Variants in BNC2 observed in about 807,000 individuals in gnomAD.
BNC2 encodes the protein basonuclin zinc finger protein 2.
A neutral mutation model predicts 76.3 loss-of-function variants in BNC2; 20 were observed. The observed-to-expected ratio is 0.26, with a 90% CI of 0.18 to 0.38. The LOEUF (loss-of-function observed/expected upper bound fraction) is 0.38. Among genes scored for constraint, BNC2 ranks in the 10% least tolerant of loss-of-function variants. The pLI, the probability that BNC2 is intolerant of heterozygous loss-of-function variation, is 1.00. For synonymous variants in BNC2, 582 were observed against 514.8 expected (o/e 1.13, Z -1.77); for missense variants, 1,382 against 1,399.8 (o/e 0.99, Z 0.20).
At chr9:16,423,093 A>G (rs892707614) in intron 6 of BNC2, among the ~76,000 whole-genome samples, 6 of 152,242 alleles carry the variant, frequency 3.9e-5, no homozygotes, top group Non-Finnish European at 8.8e-5. Context: ...CTGGCAGAGG[A>G]AGCCCTACTC....
intron 3 of BNC2, among the ~76,000 whole-genome samples, chr9:16,604,225 TTC>T (rs1247344805): frequency 1.3e-5 from 2 of 151,726 alleles, no homozygotes; most frequent in East Asian, 1.9e-4. Context: ...TAGAACCTCT[TTC>T]TCTCTCTCTC....
chr9:16,769,755 T>C (rs2095170648), intron 1 of BNC2, among the ~76,000 whole-genome samples: 1 of 152,328 alleles, frequency 6.6e-6, no homozygotes, highest in African/African-American at 2.4e-5. Context: ...GCAGAATGCC[T>C]GGCACACAAT....
chr9:16,864,629 G>A (rs994752060), intron 1 of BNC2, among the ~76,000 whole-genome samples: 1 of 152,118 alleles, frequency 6.6e-6, no homozygotes, highest in South Asian at 2.1e-4. Flanking sequence ...TATCCCCCAT[G>A]TTGTGCATTT....
intron 1 of BNC2, 26 bp downstream of exon 1, chr9:16,870,620 G>C (rs755236168): frequency 3.3e-5 from 53 of 1,610,238 alleles, no homozygotes; most frequent in Non-Finnish European, 4.3e-5. Flanking sequence ...TAGAATAAAA[G>C]AGGAAGGAGG....
chr9:16,774,933 C>T (rs1825923675), intron 1 of BNC2, among the ~76,000 whole-genome samples: 1 of 152,128 alleles, frequency 6.6e-6, no homozygotes, highest in Non-Finnish European at 1.5e-5. Context: ...TTTGTTTTTG[C>T]TTTTACTAAA....
In BNC2 at chr9:16,418,308, T is replaced by A. The variant is rs932372492; in HGVS notation, c.*681A>T. On this transcript the variant is annotated 3_prime_UTR_variant, in exon 7 of 7. Coordinates refer to ENST00000380672, the MANE Select transcript of BNC2 (RefSeq NM_017637.6). The stretch of plus-strand genomic sequence containing the variant: ...CCATGTTTTTTTCTTTTTTTAAAAA[T>A]GTGCATTAATGCTAACATAAATGAA... 16 of 152,656 alleles carry A rather than the reference T, an allele frequency of 1.0e-4. 1 individual carries two copies. The highest frequency in any genetic ancestry group is 3.9e-4 in the African/African-American group (16 of 41,450). The allele number at this position is 152,656 out of a possible 1,614,324, so 9.5% of individuals were successfully genotyped here.
At chr9:16,602,630 A>G (rs548108970) in intron 3 of BNC2, among the ~76,000 whole-genome samples, 1 of 152,206 alleles carries the variant, frequency 6.6e-6, no homozygotes, top group Non-Finnish European at 1.5e-5. Context: ...AGCAATGCCA[A>G]TTAGTGTCAG....
chr9:16,690,846 G>A (rs1244672779), intron 3 of BNC2, among the ~76,000 whole-genome samples: 1 of 152,172 alleles, frequency 6.6e-6, no homozygotes, highest in African/African-American at 2.4e-5. Flanking sequence ...GGTGACGGAG[G>A]TGGGGGGATG....
chr9:16,621,566 T>C (rs1160898254), intron 3 of BNC2, among the ~76,000 whole-genome samples: 2 of 152,216 alleles, frequency 1.3e-5, no homozygotes, highest in East Asian at 1.9e-4. Context: ...TTTTCACTTG[T>C]ATATCAAAGA....
intron 3 of BNC2, among the ~76,000 whole-genome samples, chr9:16,678,554 G>A (rs948108629): frequency 3.3e-5 from 5 of 151,406 alleles, no homozygotes; most frequent in Admixed American, 6.6e-5. Flanking sequence ...GTGAGCCACC[G>A]CGCCTGGCCA....
At chr9:16,606,328 G>C (rs927967540) in intron 3 of BNC2, among the ~76,000 whole-genome samples, 1 of 152,072 alleles carries the variant, frequency 6.6e-6, no homozygotes, top group Admixed American at 6.6e-5. Context: ...TGGATTAGAG[G>C]GGAGAAATAT....
At chr9:16,423,499 C>A (rs1307648376) in intron 6 of BNC2, among the ~76,000 whole-genome samples, 1 of 152,184 alleles carries the variant, frequency 6.6e-6, no homozygotes, top group East Asian at 1.9e-4. Flanking sequence ...CTTTCAAGAA[C>A]ATAACTAAAT....
At chr9:16,587,942 T>C (rs1204935366) in intron 3 of BNC2, among the ~76,000 whole-genome samples, 1 of 152,162 alleles carries the variant, frequency 6.6e-6, no homozygotes. Flanking sequence ...GTTGTGAATA[T>C]TATATTTATT....
intron 3 of BNC2, among the ~76,000 whole-genome samples, chr9:16,655,869 G>A (rs891964758): frequency 4.6e-5 from 7 of 152,148 alleles, no homozygotes; most frequent in Non-Finnish European, 8.8e-5. Flanking sequence ...TGCTGACTGG[G>A]GGCCACTCTG....
chr9:16,812,812 C>T (rs10962618), intron 1 of BNC2, among the ~76,000 whole-genome samples: 35,547 of 152,090 alleles, frequency 0.23, 4,794 homozygotes, highest in East Asian at 0.47. Flanking sequence ...AAAAATAAAA[C>T]TGCTAATTAA....
intron 5 of BNC2, among the ~76,000 whole-genome samples, chr9:16,550,849 C>T (rs1173080170): frequency 6.6e-6 from 1 of 152,122 alleles, no homozygotes; most frequent in Non-Finnish European, 1.5e-5. Context: ...TCCATACAAA[C>T]AACTGTAAGA....
intron 5 of BNC2, among the ~76,000 whole-genome samples, chr9:16,508,834 T>TTC (rs370044212): frequency 3.3e-5 from 5 of 151,650 alleles, no homozygotes; most frequent in Admixed American, 1.3e-4. Context: ...TTTTTTTTTT[T>TTC]CTTTTTAGGA....
intron 3 of BNC2, among the ~76,000 whole-genome samples, chr9:16,617,230 C>CA (rs1018717331): frequency 6.6e-6 from 1 of 151,888 alleles, no homozygotes; most frequent in African/African-American, 2.4e-5. Context: ...AACAAACAAA[C>CA]AAAAAAACCT....
At chr9:16,802,012 T>TTCACTCATGTTATGCCAC (rs1378747754) in intron 1 of BNC2, among the ~76,000 whole-genome samples, 8 of 152,256 alleles carry the variant, frequency 5.3e-5, no homozygotes, top group African/African-American at 1.9e-4. Flanking sequence ...ATCAATTTTT[T>TTCACTCATGTTATGCCAC]TCACAAGCAC....
Sources: allele counts gnomAD v4.1 joint callset (sites outside exome capture counted in the v4.1 genomes callset), GRCh38; gene constraint gnomAD v4.1.1; transcripts MANE v1.5; gene names NCBI Gene and HGNC (gene_info 2026-07-23, HGNC 2026-07-21).